Variants in ENTREP2 observed in about 807,000 individuals in gnomAD.
ENTREP2 encodes endosomal transmembrane epsin interactor 2, also known as protein ENTREP2.
At chr15:29,268,071 A>G in the ENTREP2 span, 1 of 152,352 alleles carries the variant, frequency 6.6e-6, no homozygotes, top group East Asian at 1.9e-4. Context: ...TGACCTTAAT[A>G]TGTAGCAAAA....
At chr15:29,330,512 C>T in the ENTREP2 span, among the ~76,000 whole-genome samples, 1 of 152,098 alleles carries the variant, frequency 6.6e-6, no homozygotes, top group East Asian at 1.9e-4. Context: ...CCAGTCTAAT[C>T]ATGAGAAAAA....
At chr15:29,266,488 A>T in the ENTREP2 span, 1 of 152,320 alleles carries the variant, frequency 6.6e-6, no homozygotes, top group East Asian at 1.9e-4. Flanking sequence ...AATCTCAAAG[A>T]ACTGGAAAGA....
the ENTREP2 span, among the ~76,000 whole-genome samples, chr15:29,443,032 G>A: frequency 2.0e-5 from 3 of 152,196 alleles, no homozygotes; most frequent in Non-Finnish European, 4.4e-5. Context: ...GCGTCTCTGC[G>A]AAGGAGGGAA....
the ENTREP2 span, among the ~76,000 whole-genome samples, chr15:29,279,127 C>G: frequency 6.6e-6 from 1 of 152,198 alleles, no homozygotes; most frequent in Non-Finnish European, 1.5e-5. Flanking sequence ...TATTTCCACA[C>G]ACAGTAAGTC....
the ENTREP2 span, among the ~76,000 whole-genome samples, chr15:29,485,738 C>A: frequency 6.6e-6 from 1 of 152,082 alleles, no homozygotes; most frequent in Non-Finnish European, 1.5e-5. Flanking sequence ...ATACAAATGG[C>A]CAGGAGATAT....
the ENTREP2 span, among the ~76,000 whole-genome samples, chr15:29,434,751 G>A: frequency 2.0e-5 from 3 of 152,144 alleles, no homozygotes; most frequent in African/African-American, 4.8e-5. Context: ...ACTGGGGCAG[G>A]GCAGGGCGGT....
the ENTREP2 span, among the ~76,000 whole-genome samples, chr15:29,292,365 T>C: frequency 6.6e-6 from 1 of 151,256 alleles, no homozygotes; most frequent in Non-Finnish European, 1.5e-5. Flanking sequence ...CCTTCCTTCC[T>C]TCTTTCTTTC....
chr15:29,277,797 T>C, the ENTREP2 span, among the ~76,000 whole-genome samples: 2 of 152,298 alleles, frequency 1.3e-5, no homozygotes, highest in Non-Finnish European at 1.5e-5. Context: ...CCACGCAAGA[T>C]GACAGAAACC....
At chr15:29,405,424 G>A in the ENTREP2 span, among the ~76,000 whole-genome samples, 1 of 150,216 alleles carries the variant, frequency 6.7e-6, no homozygotes, top group African/African-American at 2.4e-5. Context: ...CATGTCACTC[G>A]CCCCACTCAA....
the ENTREP2 span, among the ~76,000 whole-genome samples, chr15:29,243,631 C>T: frequency 3.3e-5 from 5 of 152,032 alleles, no homozygotes; most frequent in African/African-American, 4.8e-5. Flanking sequence ...CCCGAGACCC[C>T]CGGCTCTAGG....
At chr15:29,607,829 C>T in the ENTREP2 span, among the ~76,000 whole-genome samples, 742 of 92,966 alleles carry the variant, frequency 8.0e-3, 5 homozygotes, top group East Asian at 0.065. Flanking sequence ...GATAGATAGA[C>T]AGACAGACAG....
At chr15:29,335,739 C>G in the ENTREP2 span, among the ~76,000 whole-genome samples, 6 of 152,180 alleles carry the variant, frequency 3.9e-5, no homozygotes, top group South Asian at 1.2e-3. Context: ...CCCCACAGAA[C>G]CTGAGAGCTG....
the ENTREP2 span, among the ~76,000 whole-genome samples, chr15:29,314,699 A>G: frequency 0.51 from 77,959 of 152,082 alleles, 22,779 homozygotes; most frequent in African/African-American, 0.82. Context: ...ATATCTCTGA[A>G]TTATGTCTGT....
chr15:29,150,989 T>C, the ENTREP2 span, among the ~76,000 whole-genome samples: 14 of 152,148 alleles, frequency 9.2e-5, no homozygotes, highest in African/African-American at 3.4e-4. Flanking sequence ...CGCGTGCGCA[T>C]AGATATTCCT....
chr15:29,507,354 A>G, the ENTREP2 span, among the ~76,000 whole-genome samples: 1 of 152,226 alleles, frequency 6.6e-6, no homozygotes, highest in Non-Finnish European at 1.5e-5. Context: ...TCAATGAGAC[A>G]GAAAATTAAC....
the ENTREP2 span, chr15:29,570,370 G>A: frequency 2.4e-5 from 11 of 451,804 alleles, no homozygotes; most frequent in African/African-American, 6.2e-5. Context: ...ACTGCGCCCC[G>A]CGCTGCAGCT....
the ENTREP2 span, among the ~76,000 whole-genome samples, chr15:29,264,526 C>T: frequency 6.6e-6 from 1 of 152,170 alleles, no homozygotes; most frequent in South Asian, 2.1e-4. Flanking sequence ...AATAACACAG[C>T]ATTGCTTCTG....
chr15:29,418,981 C>T, the ENTREP2 span, among the ~76,000 whole-genome samples: 1 of 152,220 alleles, frequency 6.6e-6, no homozygotes, highest in Non-Finnish European at 1.5e-5. Context: ...CACTGGAAGG[C>T]AGCCTCAAAA....
chr15:29,124,709 C>T, the ENTREP2 span: 1 of 1,550,776 alleles, frequency 6.4e-7, no homozygotes, highest in Non-Finnish European at 8.7e-7. Flanking sequence ...CAGCCTCAGA[C>T]AGTCCCGCTT....
Sources: allele counts gnomAD v4.1 joint callset (sites outside exome capture counted in the v4.1 genomes callset), GRCh38; gene constraint gnomAD v4.1.1; transcripts MANE v1.5; gene names NCBI Gene and HGNC (gene_info 2026-07-23, HGNC 2026-07-21).